Variants in UST observed in about 807,000 individuals in gnomAD.
The protein encoded by UST is chondroitin sulfate 2-O-sulfotransferase.
Under a neutral mutation model 45.6 loss-of-function variants are expected in UST, and 21 were observed. The ratio of observed to expected loss-of-function variants is 0.46; its 90% confidence interval spans 0.33 to 0.66. UST has a LOEUF of 0.66. UST is among the 30% of genes least tolerant of loss of function. UST has a pLI of 0.02. For missense variants in UST, 463 were observed against 512.4 expected (o/e 0.90, Z 0.93); for synonymous variants, 215 against 200.6 (o/e 1.07, Z -0.61).
chr6:148,966,462 C>T (rs1272941709), intron 5 of UST, among the ~76,000 whole-genome samples: 1 of 152,100 alleles, frequency 6.6e-6, no homozygotes. Context: ...ATTCAATCCT[C>T]ATGCTAAGAA....
chr6:148,926,110 A>G (rs923335912), intron 2 of UST, among the ~76,000 whole-genome samples: 15 of 152,244 alleles, frequency 9.9e-5, no homozygotes, highest in Admixed American at 6.5e-4. Flanking sequence ...TAATTGAAGA[A>G]AGAAAGCAGC....
intron 2 of UST, among the ~76,000 whole-genome samples, chr6:148,895,772 C>T (rs748512181): frequency 2.6e-5 from 4 of 152,230 alleles, no homozygotes; most frequent in African/African-American, 7.2e-5. Context: ...GATCGTGAGG[C>T]CTCCTTAGCC....
At chr6:148,965,585 A>G (rs1243925033) in intron 5 of UST, among the ~76,000 whole-genome samples, 1 of 152,216 alleles carries the variant, frequency 6.6e-6, no homozygotes, top group Non-Finnish European at 1.5e-5. Context: ...CTGCTTCCTC[A>G]TCTCATTTTA....
At chr6:148,764,610 T>G (rs1337314886) in intron 1 of UST, among the ~76,000 whole-genome samples, 1 of 152,004 alleles carries the variant, frequency 6.6e-6, no homozygotes, top group East Asian at 1.9e-4. Context: ...TAAAGCTGGG[T>G]GTCCGGAGGA....
At chr6:149,006,465 A>G (rs1001415679) in intron 5 of UST, among the ~76,000 whole-genome samples, 1 of 152,194 alleles carries the variant, frequency 6.6e-6, no homozygotes, top group Admixed American at 6.5e-5. Flanking sequence ...CATGGTATAT[A>G]TGTACCATAT....
intron 1 of UST, among the ~76,000 whole-genome samples, chr6:148,837,265 T>C (rs6901796): frequency 0.043 from 6,498 of 152,200 alleles, 249 homozygotes; most frequent in African/African-American, 0.1. Context: ...CCCTAACTCT[T>C]CTCCAAATTG....
intron 7 of UST, among the ~76,000 whole-genome samples, chr6:149,049,643 G>T (rs538593577): frequency 3.9e-4 from 59 of 152,180 alleles, no homozygotes; most frequent in Admixed American, 1.4e-3. Flanking sequence ...CTGTGGAATT[G>T]CTGGGAGCAC....
intron 1 of UST, among the ~76,000 whole-genome samples, chr6:148,864,291 G>C (rs899536916): frequency 6.6e-6 from 1 of 152,188 alleles, no homozygotes; most frequent in Non-Finnish European, 1.5e-5. Context: ...ATGGGCGTGG[G>C]ACCCTCCGAG....
Position 148,748,549 on chromosome 6 carries a change from A to C in UST, c.247+872A>C, listed in dbSNP as rs1775925390. Among the ~76,000 whole-genome samples, 1 of 151,734 alleles carries C rather than the reference A, an allele frequency of 6.6e-6. No individual in the cohort carries two copies. Among genetic ancestry groups the C allele is most frequent in the African/African-American group, 2.4e-5 (1 of 41,274 alleles). On this transcript the variant is annotated intron_variant, in intron 1 of 7. Coordinates refer to ENST00000367463, the MANE Select transcript of UST (RefSeq NM_005715.3). The surrounding 1 kb of genome is among the most constrained non-coding windows in gnomAD (Gnocchi z 5.3). ...CTCCAGCGAGAAGGCGTGACCCCGC[A>C]GCTCCCTCGTCTCGGCTGCGGGAGC...
chr6:149,006,642 T>G (rs1445082492), intron 5 of UST, among the ~76,000 whole-genome samples: 3 of 152,244 alleles, frequency 2.0e-5, no homozygotes, highest in African/African-American at 7.2e-5. Context: ...AAATGGTATT[T>G]CTGGTTGTAG....
At chr6:148,946,813 CAAAAAAAAAAAAAAAAAAA>C (rs60990121) in intron 3 of UST, among the ~76,000 whole-genome samples, 1 of 56,824 alleles carries the variant, frequency 1.8e-5, no homozygotes. Flanking sequence ...GACTCCATCC[CAAAAAAAAAAAAAAAAAAA>C]AAAAAAAAAA....
intron 1 of UST, among the ~76,000 whole-genome samples, chr6:148,759,930 A>G (rs1356415065): frequency 1.3e-5 from 2 of 151,996 alleles, no homozygotes; most frequent in Non-Finnish European, 2.9e-5. Context: ...TCTCTTGAGA[A>G]TCACTGAAGT....
chr6:148,883,930 A>G (rs1023813559), intron 1 of UST, among the ~76,000 whole-genome samples: 5 of 152,216 alleles, frequency 3.3e-5, no homozygotes, highest in Admixed American at 6.5e-5. Flanking sequence ...TCAGGAGTTC[A>G]AGACCAGCCT....
At chr6:148,922,492 CT>C (rs10634690) in intron 2 of UST, among the ~76,000 whole-genome samples, 132 of 140,700 alleles carry the variant, frequency 9.4e-4, no homozygotes, top group Non-Finnish European at 9.7e-4. Flanking sequence ...CTTTCTTTTT[CT>C]TTTTTTTTTT....
At position 148,855,947 on chromosome 6, in the gene UST, T is replaced by G. The variant is rs181701599; in HGVS notation, c.248-31039T>G. 3.4e-3 allele frequency among the ~76,000 whole-genome samples: 521 copies of G among 152,304 alleles called. 2 individuals are homozygous for G. Among genetic ancestry groups the G allele is most frequent in the Non-Finnish European group, 5.9e-3 (401 of 68,022 alleles). On this transcript the variant is annotated intron_variant, in intron 1 of 7. Transcript: ENST00000367463. ...TAGATGACACATTTCCTCCTTTGTA[T>G]GTTGGTGATCAATTCTAACTTTTTA...
chr6:148,823,206 T>TTGAAA (rs1777499371), intron 1 of UST, among the ~76,000 whole-genome samples: 1 of 152,236 alleles, frequency 6.6e-6, no homozygotes, highest in South Asian at 2.1e-4. Flanking sequence ...ACTACATGCT[T>TTGAAA]TTTCAGACTA....
chr6:148,758,092 C>G (rs527564976), intron 1 of UST, among the ~76,000 whole-genome samples: 1 of 152,334 alleles, frequency 6.6e-6, no homozygotes, highest in South Asian at 2.1e-4. Context: ...TCATTTAGCA[C>G]ACATACACAT....
chr6:149,008,366 G>A (rs1390470367), intron 5 of UST, among the ~76,000 whole-genome samples: 2 of 152,126 alleles, frequency 1.3e-5, no homozygotes, highest in African/African-American at 4.8e-5. Flanking sequence ...TTCTCCATCT[G>A]TACATGATTC....
chr6:149,045,962 T>C (rs1213872658), intron 7 of UST, among the ~76,000 whole-genome samples: 1 of 152,136 alleles, frequency 6.6e-6, no homozygotes, highest in Non-Finnish European at 1.5e-5. Context: ...CAGCTCACCA[T>C]AGAGCTGGGA....
Sources: gnomAD v4.1 joint callset for allele counts (sites outside exome capture counted in the v4.1 genomes callset) on GRCh38, gnomAD v4.1.1 for gene constraint, Gnocchi (gnomAD v3.1) non-coding constraint, MANE v1.5 for transcripts, NCBI Gene and HGNC (gene_info 2026-07-23, HGNC 2026-07-21) for gene names.